GFPT2: variants seen among roughly 807,000 people sequenced by gnomAD.
The protein encoded by GFPT2 is glutamine--fructose-6-phosphate aminotransferase [isomerizing] 2.
Under a neutral mutation model 85.6 loss-of-function variants are expected in GFPT2, and 62 were observed. The ratio of observed to expected loss-of-function variants is 0.72; its 90% CI spans 0.59 to 0.90. The LOEUF is 0.90. Among genes scored for constraint, GFPT2 ranks in the 40% least tolerant of loss-of-function variants. The pLI is 0.00. For missense variants in GFPT2, 788 were observed against 893.4 expected, an observed-to-expected ratio of 0.88 and a Z score of 1.50; for synonymous variants, 368 against 344.5, an observed-to-expected ratio of 1.07 and a Z score of -0.75.
intron 6 of GFPT2, among the ~76,000 whole-genome samples, chr5:180,329,238 A>C (rs1266621890): frequency 2.6e-5 from 4 of 152,214 alleles, no homozygotes; most frequent in South Asian, 2.1e-4. Context: ...CCAGGTTGCC[A>C]ACTCAGCTAC....
chr5:180,341,331 G>A (rs1202077064), intron 1 of GFPT2, among the ~76,000 whole-genome samples: 1 of 152,192 alleles, frequency 6.6e-6, no homozygotes, highest in Non-Finnish European at 1.5e-5. Context: ...ACAGACAGCT[G>A]ATTGTGATTA....
At chr5:180,324,497 A>T (rs997677387) in intron 8 of GFPT2, 192 bp from the exon 9 acceptor site, 15 of 587,676 alleles carry the variant, frequency 2.6e-5, no homozygotes, top group Non-Finnish European at 2.4e-5. Flanking sequence ...AAATGGCTAC[A>T]GTGTGAGAGG....
rs1764752452 is a variant in GFPT2, at chr5:180,353,232, G to T, written c.-15C>A. ...TCACCGCACATCGTGGCTGCTTCTCGGGCTCCTTCGCGGCTCGAGGGGGTC... is the reference window on the plus strand; with the variant it reads ...TCACCGCACATCGTGGCTGCTTCTCTGGCTCCTTCGCGGCTCGAGGGGGTC... On this transcript the variant is annotated 5_prime_UTR_variant, in exon 1 of 19. Coordinates refer to ENST00000253778, the MANE Select transcript of GFPT2 (RefSeq NM_005110.4). The T allele has an allele frequency of 1.6e-6, 2 of 1,241,504 alleles. No individual in the cohort carries two copies. Among genetic ancestry groups the T allele is most frequent in the African/African-American group, 1.6e-5 (1 of 64,492 alleles). The allele number at this position is 1,241,504 out of a possible 1,614,324, so 76.9% of individuals were successfully genotyped here.
At chr5:180,316,640 T>C in intron 12 of GFPT2, 124 bp downstream of exon 12, 2 of 900,550 alleles carry the variant, frequency 2.2e-6, no homozygotes, top group Non-Finnish European at 3.4e-6. Flanking sequence ...TTTCTCACGC[T>C]AGCTCATGGG....
In GFPT2 at chr5:180,316,206, G is replaced by A. The variant is rs564442446; in HGVS notation, c.1273+135C>T. Reference sequence around the variant, plus strand: ...TGGCGACAGTAATCCATGGCTCTACGGGTTAAATGACCGCTGCAAGAGAGG... The same window carrying A: ...TGGCGACAGTAATCCATGGCTCTACAGGTTAAATGACCGCTGCAAGAGAGG... On this transcript the variant is annotated intron_variant, in intron 13 of 18. Transcript: ENST00000253778. 429 of 832,198 alleles carry A rather than the reference G, an allele frequency of 5.2e-4. 3 individuals carry two copies. In the African/African-American group the frequency reaches 6.3e-3, roughly 12 times the overall value. The allele number at this position is 832,198 out of a possible 1,614,324, so 51.6% of individuals were successfully genotyped here.
exon 1 of GFPT2, chr5:180,353,334 GCTCCCGTCCGCTCGGC>G: frequency 1.4e-6 from 1 of 698,874 alleles, no homozygotes; most frequent in Non-Finnish European, 1.8e-6. Flanking sequence ...GCGGGCTCCA[GCTCCCGTCCGCTCGGC>G]CTCCAGCCCT....
intron 1 of GFPT2, among the ~76,000 whole-genome samples, chr5:180,348,164 G>T (rs1436998810): frequency 1.3e-5 from 2 of 152,242 alleles, no homozygotes; most frequent in African/African-American, 4.8e-5. Flanking sequence ...GCCTCCTAGA[G>T]ATTAGGTATC....
At chr5:180,339,118 G>A (rs1764459699) in intron 1 of GFPT2, among the ~76,000 whole-genome samples, 1 of 152,142 alleles carries the variant, frequency 6.6e-6, no homozygotes, top group Non-Finnish European at 1.5e-5. Context: ...GGTGGCTCAT[G>A]CCTGTAATCC....
At chr5:180,333,379 C>T (rs1246316797) in intron 4 of GFPT2, among the ~76,000 whole-genome samples, 1 of 152,156 alleles carries the variant, frequency 6.6e-6, no homozygotes, top group African/African-American at 2.4e-5. Flanking sequence ...GGACCACAGG[C>T]ACCCGCCACC....
chr5:180,312,196 GGGGAGGCAGGGAGGCA>G (rs79602300), intron 15 of GFPT2, among the ~76,000 whole-genome samples: 4 of 46,734 alleles, frequency 8.6e-5, no homozygotes, highest in East Asian at 1.0e-3. Flanking sequence ...CCAGGGAGGC[GGGGAGGCAGGGAGGCA>G]GGGAGGCAGG....
rs1287270320 is a variant in GFPT2 at position 180,345,350 on chromosome 5, C to A, written c.8-6750G>T. 2.0e-5 allele frequency among the ~76,000 whole-genome samples: 3 copies of A among 152,266 alleles called. No homozygotes were observed. The South Asian group carries it at 6.2e-4, about 31-fold the overall frequency. ...GCGTTGCTGTACTAGGTGCTGCAAG[C>A]TACTGGGATGGACCCATCGGGGGGC... is the stretch of plus-strand genomic sequence containing the variant. On this transcript the variant is annotated intron_variant, in intron 1 of 18. Transcript: ENST00000253778.
At chr5:180,331,681 T>G (rs1764303245) in intron 4 of GFPT2, 128 bp from the exon 5 acceptor site, 2 of 695,380 alleles carry the variant, frequency 2.9e-6, no homozygotes, top group Non-Finnish European at 5.2e-6. Flanking sequence ...AAGCACACTT[T>G]GTTTACAGTG....
intron 14 of GFPT2, among the ~76,000 whole-genome samples, 194 bp downstream of exon 14, chr5:180,313,613 A>AAAAT (rs968875110): frequency 5.9e-5 from 9 of 151,728 alleles, no homozygotes; most frequent in Admixed American, 1.3e-4. Context: ...AAATAAAATA[A>AAAAT]AAATAAAAAT....
chr5:180,304,831 T>C lies in GFPT2; in HGVS notation c.1783A>G (p.Met595Val). Residue 595 changes from methionine to valine, a missense_variant, in exon 17 of 19, where the codon ATG becomes GTG. Transcript: ENST00000253778. ...CATTTGGCGAAGCAAGGATCCTTCA[T>C]AATGACCATGATGACGGGCATCTGC... ...DKQMPVIMVI[M>V]KDPCFAKCQN... is the part of the protein sequence containing the mutation. The C allele has an allele frequency of 6.2e-7, 1 of 1,614,076 alleles. No individual in the cohort carries two copies. Among genetic ancestry groups the C allele is most frequent in the South Asian group, 1.1e-5 (1 of 91,084 alleles).
intron 8 of GFPT2, 86 bp from the exon 9 acceptor site, chr5:180,324,391 T>A: frequency 1.2e-6 from 1 of 802,134 alleles, no homozygotes; most frequent in Non-Finnish European, 2.1e-6. Flanking sequence ...CCCCTCTGAA[T>A]ATGTGTGGGA....
rs773411938 is a variant in GFPT2 at position 180,330,728 on chromosome 5, G to A, written c.506C>T (p.Thr169Met). ...CTGCTGAATGACTCTCTCGACCAACGTTGAAAACGTAATGTCCTCAGTTTC... is the reference window on the plus strand; with the variant it reads ...CTGCTGAATGACTCTCTCGACCAACATTGAAAACGTAATGTCCTCAGTTTC... ...NRETEDITFS[T>M]LVERVIQQLE... is the part of the protein sequence containing the mutation. The change falls in exon 6 of 19, where the codon ACG becomes ATG. Residue 169 changes from threonine (T) to methionine (M), a missense_variant. Physicochemically the swap from Thr to Met is moderately conservative, Grantham distance 81. Transcript: ENST00000253778. The surrounding 1 kb of genome is among the most constrained non-coding windows in gnomAD (Gnocchi z 4.4). The A allele has an allele frequency of 5.0e-6, 8 of 1,612,798 alleles. No homozygotes were observed. The Admixed American group carries it at 6.7e-5, about 13-fold the overall frequency.
intron 15 of GFPT2, among the ~76,000 whole-genome samples, chr5:180,308,633 T>C (rs1763821641): frequency 6.6e-6 from 1 of 152,236 alleles, no homozygotes; most frequent in Non-Finnish European, 1.5e-5. Context: ...CAGTAGGTTC[T>C]TGAAAGGGTA....
intron 2 of GFPT2, among the ~76,000 whole-genome samples, chr5:180,337,245 G>C (rs1007349071): frequency 5.3e-5 from 8 of 152,172 alleles, no homozygotes; most frequent in African/African-American, 1.9e-4. Flanking sequence ...ACAAGGTCAA[G>C]AGATTGAGAC....
rs1380960680 is a variant in GFPT2, at chr5:180,318,704, C to T, written c.958+89G>A. 45 of 1,140,878 alleles carry T rather than the reference C, an allele frequency of 3.9e-5. No homozygotes were observed. The East Asian group carries it at 1.1e-3, about 28-fold the overall frequency. 70.7% of individuals were successfully genotyped at this position (1,140,878 alleles called of 1,614,324 possible). On this transcript the variant is annotated intron_variant, in intron 10 of 18. Transcript: ENST00000253778. The surrounding 1 kb of genome is among the most constrained non-coding windows in gnomAD (Gnocchi z 4.2). The stretch of plus-strand genomic sequence containing the variant: ...GCCACAGAGGGCAGGAGGGCTGTGG[C>T]CTCTACTAGGACCAGGCAGAGTGTC...
Sources: gnomAD v4.1 joint callset for allele counts (sites outside exome capture counted in the v4.1 genomes callset) on GRCh38, gnomAD v4.1.1 for gene constraint, Gnocchi (gnomAD v3.1) non-coding constraint, MANE v1.5 for transcripts, NCBI Gene and HGNC (gene_info 2026-07-23, HGNC 2026-07-21) for gene names.